Variants in SDK1 observed in about 807,000 individuals in gnomAD.
SDK1 encodes sidekick cell adhesion molecule 1.
A neutral mutation model predicts 245.5 loss-of-function variants in SDK1; 157 were observed. That is an observed-to-expected ratio of 0.64 (90% CI 0.56 to 0.73). The LOEUF (loss-of-function observed/expected upper bound fraction) is 0.73, where lower values mean the gene tolerates loss of function less well. SDK1 is among the 30% of genes least tolerant of loss of function. SDK1 has a pLI of 0.00. For missense variants in SDK1, 3,583 were observed against 3,002.3 expected (o/e 1.19, Z -4.52); for synonymous variants, 1,647 against 1,278.5 (o/e 1.29, Z -6.15).
At chr7:3,600,289 C>T (rs1183385578) in intron 1 of SDK1, among the ~76,000 whole-genome samples, 2 of 152,130 alleles carry the variant, frequency 1.3e-5, no homozygotes, top group African/African-American at 4.8e-5. Flanking sequence ...TTGTTAAACA[C>T]ATTAGTTCTA....
chr7:3,548,685 T>C (rs1468581714), intron 1 of SDK1, among the ~76,000 whole-genome samples: 1 of 152,190 alleles, frequency 6.6e-6, no homozygotes, highest in Non-Finnish European at 1.5e-5. Flanking sequence ...AATTAGTGAC[T>C]TTATTCTTTT....
intron 35 of SDK1, among the ~76,000 whole-genome samples, chr7:4,189,813 G>C (rs673500): frequency 0.44 from 66,324 of 152,146 alleles, 15,431 homozygotes; most frequent in Middle Eastern, 0.65. Flanking sequence ...AATAAAATCA[G>C]TTGGTGGCTT....
chr7:4,139,428 T>C (rs2128203892), intron 28 of SDK1, among the ~76,000 whole-genome samples: 1 of 135,350 alleles, frequency 7.4e-6, no homozygotes. Context: ...TGTGTGTGTA[T>C]GTATATATGT....
chr7:4,124,502 C>T (rs1195724934), intron 25 of SDK1, among the ~76,000 whole-genome samples: 1 of 152,170 alleles, frequency 6.6e-6, no homozygotes, highest in African/African-American at 2.4e-5. Flanking sequence ...TATATGGGCA[C>T]TAGTCATACT....
At chr7:3,900,405 C>T (rs1306822480) in intron 5 of SDK1, among the ~76,000 whole-genome samples, 1 of 152,132 alleles carries the variant, frequency 6.6e-6, no homozygotes, top group Non-Finnish European at 1.5e-5. Context: ...TTTTTCATCC[C>T]CAGGTTGGTT....
chr7:4,052,772 C>T (rs1778950329), intron 19 of SDK1, among the ~76,000 whole-genome samples: 2 of 152,082 alleles, frequency 1.3e-5, no homozygotes, highest in South Asian at 4.1e-4. Context: ...CGAGTCTGTA[C>T]TCCCTCTGTA....
chr7:3,620,090 G>A (rs1781889452), intron 2 of SDK1, among the ~76,000 whole-genome samples: 1 of 152,104 alleles, frequency 6.6e-6, no homozygotes, highest in Non-Finnish European at 1.5e-5. Flanking sequence ...GATGAAATAA[G>A]AAAGAGTGGG....
chr7:4,233,367 T>C lies in SDK1; in HGVS notation c.5940T>C (p.Ala1980=), dbSNP rs1360025452. The change falls in exon 41 of 45, where the codon GCT becomes GCC. Residue 1980 remains alanine, a synonymous_variant. Transcript: ENST00000404826. The stretch of plus-strand genomic sequence containing the variant: ...TGACTTACGAGTTCCGGGTGGTGGC[T>C]GTGAATGAGGCGGGCTACGGGGAGC... ...QGVTYEFRVV[A]VNEAGYGEPS... The C allele has an allele frequency of 2.5e-6, 4 of 1,613,794 alleles. No individual in the cohort carries two copies. In the South Asian group the frequency reaches 4.4e-5, roughly 18 times the overall value.
At chr7:4,226,680 T>C (rs543437080) in intron 40 of SDK1, among the ~76,000 whole-genome samples, 1 of 152,358 alleles carries the variant, frequency 6.6e-6, no homozygotes, top group East Asian at 1.9e-4. Flanking sequence ...TTTCTCTGGC[T>C]GTGCGTAAGT....
intron 4 of SDK1, among the ~76,000 whole-genome samples, chr7:3,819,478 A>G (rs1203105453): frequency 1.6e-5 from 2 of 123,784 alleles, no homozygotes; most frequent in Non-Finnish European, 3.9e-5. Context: ...ATCAGATGTC[A>G]AAGAAAAAGT....
intron 1 of SDK1, among the ~76,000 whole-genome samples, chr7:3,488,787 C>G (rs1017924628): frequency 6.6e-6 from 1 of 152,162 alleles, no homozygotes; most frequent in African/African-American, 2.4e-5. Flanking sequence ...CCTACTCAAT[C>G]TGACAGCTTG....
Position 4,233,306 on chromosome 7 carries a change from C to A in SDK1, c.5879C>A (p.Ser1960Tyr), listed in dbSNP as rs747129515. ...FVKDIPRSAT[S>Y]YTLSLDKLRQ... The stretch of plus-strand genomic sequence containing the variant: ...AAGGACATCCCGCGGAGCGCCACAT[C>A]CTACACCCTCAGCCTGGATAAGCTC... The change falls in exon 41 of 45, where the codon TCC becomes TAC. Residue 1960 changes from serine to tyrosine, a missense_variant. Transcript: ENST00000404826. 6.2e-7 allele frequency: 1 copy of A among 1,613,984 alleles called. No individual in the cohort carries two copies. The highest frequency in any genetic ancestry group is 8.5e-7 in the Non-Finnish European group (1 of 1,180,030).
intron 28 of SDK1, among the ~76,000 whole-genome samples, chr7:4,144,391 G>A (rs961959951): frequency 6.6e-6 from 1 of 151,196 alleles, no homozygotes; most frequent in South Asian, 2.1e-4. Context: ...AGACACCTGC[G>A]CCTAGAGGTG....
chr7:4,084,000 G>A (rs529763188), intron 22 of SDK1, among the ~76,000 whole-genome samples: 43 of 152,084 alleles, frequency 2.8e-4, no homozygotes, highest in Admixed American at 4.6e-4. Context: ...TTTATCTAAT[G>A]GTCTCATCCA....
intron 1 of SDK1, among the ~76,000 whole-genome samples, chr7:3,379,177 T>A (rs1278783426): frequency 6.6e-6 from 1 of 152,330 alleles, no homozygotes; most frequent in East Asian, 1.9e-4. Context: ...GTTCCACAAC[T>A]CTTTATTGTG....
Position 4,027,375 on chromosome 7 carries a change from C to T in SDK1, c.2602+10023C>T, listed in dbSNP as rs76744109. Among the ~76,000 whole-genome samples the T allele has an allele frequency of 5.9e-5, 9 of 152,320 alleles. No individual in the cohort carries two copies. In the East Asian group the frequency reaches 1.7e-3, roughly 29 times the overall value. On this transcript the variant is annotated intron_variant, in intron 17 of 44. Coordinates refer to ENST00000404826, the MANE Select transcript of SDK1 (RefSeq NM_152744.4). ...CCTGTGCCAAATCCAGCTGATTTTA[C>T]AGCATTCTCAGTGGGCTCCTTAGCA...
chr7:3,838,722 A>T (rs1295063798), intron 5 of SDK1, among the ~76,000 whole-genome samples: 1 of 152,180 alleles, frequency 6.6e-6, no homozygotes, highest in African/African-American at 2.4e-5. Flanking sequence ...GCATCACCTC[A>T]TCCTGCTCAG....
chr7:3,337,085 A>G (rs958283626), intron 1 of SDK1, among the ~76,000 whole-genome samples: 14 of 152,236 alleles, frequency 9.2e-5, no homozygotes, highest in African/African-American at 3.1e-4. Context: ...TGAATGAGAA[A>G]GGACCATCAG....
At chr7:3,971,202 C>T (rs1364569643) in intron 11 of SDK1, among the ~76,000 whole-genome samples, 1 of 151,806 alleles carries the variant, frequency 6.6e-6, no homozygotes, top group African/African-American at 2.4e-5. Context: ...ATGGGGTGGT[C>T]GGCATTCAGT....
Sources: allele counts gnomAD v4.1 joint callset (sites outside exome capture counted in the v4.1 genomes callset), GRCh38; gene constraint gnomAD v4.1.1; transcripts MANE v1.5; gene names NCBI Gene and HGNC (gene_info 2026-07-23, HGNC 2026-07-21).